The following SLMAP variants were observed in gnomAD, a reference collection of about 807,000 sequenced individuals.
The protein encoded by SLMAP is sarcolemmal membrane-associated protein.
SLMAP carries 44 observed loss-of-function variants against 128.8 expected under a neutral mutation model. That is an observed-to-expected ratio of 0.34 (90% confidence interval 0.27 to 0.44). The LOEUF (loss-of-function observed/expected upper bound fraction) is 0.44, where lower values mean the gene tolerates loss of function less well. Among genes scored for constraint, SLMAP ranks in the 20% least tolerant of loss-of-function variants. The pLI is 1.00. For missense variants in SLMAP, 787 were observed against 985.3 expected, an observed-to-expected ratio of 0.80 and a Z score of 2.69; for synonymous variants, 327 against 348.8, an observed-to-expected ratio of 0.94 and a Z score of 0.70.
chr3:57,909,184 A>G (rs750075817), intron 19 of SLMAP, 34 bp downstream of exon 19: 3 of 1,472,946 alleles, frequency 2.0e-6, no homozygotes, highest in Non-Finnish European at 2.8e-6. Flanking sequence ...TGAGATTGTT[A>G]TTGTGTGTTT....
chr3:57,786,626 G>C (rs1218070623), intron 2 of SLMAP, among the ~76,000 whole-genome samples: 1 of 148,732 alleles, frequency 6.7e-6, no homozygotes, highest in East Asian at 2.0e-4. Context: ...GCACGATCTT[G>C]GTTCACTACA....
chr3:57,829,183 A>G (rs2093155506), intron 2 of SLMAP, among the ~76,000 whole-genome samples: 1 of 152,198 alleles, frequency 6.6e-6, no homozygotes, highest in South Asian at 2.1e-4. Context: ...TATATGTTGT[A>G]TATATATGTA....
intron 17 of SLMAP, among the ~76,000 whole-genome samples, chr3:57,906,672 AAAATATATAT>A (rs1195512878): frequency 3.3e-5 from 1 of 30,002 alleles, no homozygotes; most frequent in Non-Finnish European, 7.8e-5. Context: ...ATATGAAAAA[AAAATATATAT>A]ATATATATAT....
chr3:57,900,871 A>AT (rs1286072261), intron 17 of SLMAP: 1 of 152,168 alleles, frequency 6.6e-6, no homozygotes, highest in African/African-American at 2.4e-5. Flanking sequence ...GTGATAGTAC[A>AT]TTTTTTAAAA....
At chr3:57,927,036 A>G (rs568642780) in intron 24 of SLMAP, among the ~76,000 whole-genome samples, 1 of 152,342 alleles carries the variant, frequency 6.6e-6, no homozygotes, top group East Asian at 1.9e-4. Context: ...ATTAGGTTTC[A>G]ACTGTAACAA....
intron 23 of SLMAP, among the ~76,000 whole-genome samples, chr3:57,924,957 G>GTT (rs547751743): frequency 2.6e-4 from 35 of 136,820 alleles, no homozygotes; most frequent in African/African-American, 7.0e-4. Flanking sequence ...TTTGTTTTTT[G>GTT]TTTTTTTTTT....
chr3:57,797,142 A>G (rs1424540042), intron 2 of SLMAP, among the ~76,000 whole-genome samples: 2 of 145,552 alleles, frequency 1.4e-5, no homozygotes, highest in Non-Finnish European at 3.0e-5. Flanking sequence ...TGATTGTACC[A>G]CTGCCCTCCA....
intron 2 of SLMAP, among the ~76,000 whole-genome samples, chr3:57,787,016 G>T (rs148293103): frequency 1.9e-3 from 294 of 152,204 alleles, no homozygotes; most frequent in African/African-American, 6.7e-3. Flanking sequence ...GATTACAGGC[G>T]TGAGCCACCG....
Position 57,916,972 on chromosome 3 carries a change from T to A in SLMAP, c.2205T>A (p.Leu735=), listed in dbSNP as rs2096826161. 6.2e-7 allele frequency: 1 copy of A among 1,613,818 alleles called. No individual in the cohort carries two copies. Among genetic ancestry groups the A allele is most frequent in the Admixed American group, 1.7e-5 (1 of 59,982 alleles). ...TCCTTCAAATGTCTAGGAAAGAACTTGAGAATCAAGTGGGATCCTTGAAAG... is the reference window on the plus strand; with the variant it reads ...TCCTTCAAATGTCTAGGAAAGAACTAGAGAATCAAGTGGGATCCTTGAAAG... ...LSILQMSRKE[L]ENQVGSLKEQ... is the part of the protein sequence containing the mutation. The change falls in exon 22 of 25, where the codon CTT becomes CTA. Residue 735 remains leucine (L), a synonymous_variant. Transcript: ENST00000671191.
At position 57,757,532 on chromosome 3, in the gene SLMAP, G is replaced by A. The variant is rs1478988919; in HGVS notation, c.-120G>A. The A allele has an allele frequency of 4.9e-6, 4 of 821,024 alleles. No individual in the cohort carries two copies. The highest frequency in any genetic ancestry group is 8.0e-6 in the Non-Finnish European group (4 of 502,256). The allele number at this position is 821,024 out of a possible 1,614,324, so 50.9% of individuals were successfully genotyped here. On this transcript the variant is annotated 5_prime_UTR_variant, in exon 2 of 25. Coordinates refer to ENST00000671191, the MANE Select transcript of SLMAP (RefSeq NM_001377540.1). ...TTCACTGGTTATGCTTAGACAATGT[G>A]CAGTTTGTGTTAATTTAAAATTTTG...
chr3:57,910,765 G>A (rs996852166), intron 19 of SLMAP, among the ~76,000 whole-genome samples: 2 of 152,156 alleles, frequency 1.3e-5, no homozygotes, highest in African/African-American at 4.8e-5. Flanking sequence ...TGTCAAAGAA[G>A]GAGCCAATGT....
intron 17 of SLMAP, among the ~76,000 whole-genome samples, chr3:57,906,677 ATATAT>A (rs748812646): frequency 0.29 from 23,193 of 80,720 alleles, 2,002 homozygotes; most frequent in African/African-American, 0.39. Context: ...AAAAAAAAAT[ATATAT>A]ATATATATAT....
At chr3:57,897,107 A>C (rs760155497) in intron 17 of SLMAP, 175 bp downstream of exon 17, 4 of 1,369,258 alleles carry the variant, frequency 2.9e-6, no homozygotes, top group Non-Finnish European at 3.8e-6. Context: ...CCAATATTTC[A>C]AACTATTGTT....
intron 2 of SLMAP, among the ~76,000 whole-genome samples, chr3:57,811,304 C>A (rs1423363059): frequency 6.6e-6 from 1 of 152,096 alleles, no homozygotes; most frequent in Non-Finnish European, 1.5e-5. Flanking sequence ...ATTTTGGACC[C>A]CTGAAACTAC....
At chr3:57,906,348 C>T (rs1364313025) in intron 17 of SLMAP, among the ~76,000 whole-genome samples, 3 of 67,090 alleles carry the variant, frequency 4.5e-5, no homozygotes, top group Non-Finnish European at 9.0e-5. Context: ...CACAGTCACT[C>T]TCTGTCGCCC....
At chr3:57,905,416 G>C (rs1045751105) in intron 17 of SLMAP, among the ~76,000 whole-genome samples, 1 of 151,982 alleles carries the variant, frequency 6.6e-6, no homozygotes, top group African/African-American at 2.4e-5. Flanking sequence ...CAAGTAGCTG[G>C]GACTACAGGT....
chr3:57,843,901 C>T lies in SLMAP; in HGVS notation c.419+2530C>T, dbSNP rs1003217326. ...GTTTAAGTGATTCTCCTACCTCAACCTCCCAAGTAGCTGGGATTACAGGTG... is the reference window on the plus strand; with the variant it reads ...GTTTAAGTGATTCTCCTACCTCAACTTCCCAAGTAGCTGGGATTACAGGTG... On this transcript the variant is annotated intron_variant, in intron 4 of 24. Transcript: ENST00000671191. 6.0e-5 allele frequency among the ~76,000 whole-genome samples: 9 copies of T among 150,218 alleles called. 1 individual carries two copies. The South Asian group carries it at 1.9e-3, about 32-fold the overall frequency.
At chr3:57,839,103 C>T (rs531569998) in intron 3 of SLMAP, among the ~76,000 whole-genome samples, 1 of 151,656 alleles carries the variant, frequency 6.6e-6, no homozygotes, top group South Asian at 2.1e-4. Flanking sequence ...AGGTGTGCAC[C>T]ACCCCCACCC....
intron 14 of SLMAP, among the ~76,000 whole-genome samples, chr3:57,882,722 A>G (rs1360843607): frequency 6.6e-6 from 1 of 152,176 alleles, no homozygotes; most frequent in East Asian, 1.9e-4. Context: ...GACCCCTGGG[A>G]TAGATCTCAA....
Sources: allele counts gnomAD v4.1 joint callset (sites outside exome capture counted in the v4.1 genomes callset), GRCh38; gene constraint gnomAD v4.1.1; transcripts MANE v1.5; gene names NCBI Gene and HGNC (gene_info 2026-07-23, HGNC 2026-07-21).